CDC42BPB: variants seen among roughly 807,000 people sequenced by gnomAD.
The protein encoded by CDC42BPB is CDC42 binding protein kinase beta.
In CDC42BPB, 37 loss-of-function variants were observed where a neutral mutation model predicts 214.9. The ratio of observed to expected loss-of-function variants is 0.17; its 90% confidence interval spans 0.13 to 0.23. The LOEUF is 0.23. Among genes scored for constraint, CDC42BPB ranks in the 10% least tolerant of loss-of-function variants. CDC42BPB has a pLI of 1.00. For missense variants in CDC42BPB, 1,694 were observed against 2,227.0 expected (o/e 0.76, Z 4.82); for synonymous variants, 931 against 884.0 (o/e 1.05, Z -0.94).
chr14:102,939,586 G>T (rs1477239851), intron 34 of CDC42BPB, 24 bp downstream of exon 34: 1 of 1,560,088 alleles, frequency 6.4e-7, no homozygotes, highest in Non-Finnish European at 8.8e-7. Context: ...TGCCCTGCCC[G>T]CCCTATCCCG....
chr14:102,945,535 G>A (rs748775828), intron 29 of CDC42BPB, 127 bp downstream of exon 29: 22 of 766,770 alleles, frequency 2.9e-5, no homozygotes, highest in Non-Finnish European at 4.1e-5. Context: ...TTCACGGCAC[G>A]CTGGCCCCTC....
chr14:102,957,200 A>T (rs1371356068), intron 21 of CDC42BPB, among the ~76,000 whole-genome samples: 1 of 124,222 alleles, frequency 8.1e-6, no homozygotes, highest in African/African-American at 4.3e-5. Context: ...GACTGTCTCA[A>T]AAAAAAAAAA....
intron 3 of CDC42BPB, among the ~76,000 whole-genome samples, chr14:103,007,519 G>T (rs998113064): frequency 1.1e-4 from 16 of 152,156 alleles, no homozygotes; most frequent in Admixed American, 9.2e-4. Flanking sequence ...AGAGGAGAGG[G>T]TCTAGAAACC....
At chr14:102,948,063 G>A (rs1276955219) in intron 26 of CDC42BPB, 9 of 698,532 alleles carry the variant, frequency 1.3e-5, no homozygotes, top group South Asian at 6.5e-5. Context: ...TCCAGACTAT[G>A]CCAGTTACAG....
Position 102,970,088 on chromosome 14 carries a change from G to C in CDC42BPB, c.1995+63C>G, listed in dbSNP as rs544105154. 2.6e-5 allele frequency: 34 copies of C among 1,293,572 alleles called. No homozygotes were observed. The African/African-American group carries it at 4.2e-4, about 16-fold the overall frequency. The allele number at this position is 1,293,572 out of a possible 1,614,324, so 80.1% of individuals were successfully genotyped here. A position where few individuals can be genotyped will look rare whatever the true frequency, so the allele number is the denominator to read the frequency against. On this transcript the variant is annotated intron_variant, in intron 14 of 36. Transcript: ENST00000361246. The stretch of plus-strand genomic sequence containing the variant: ...ACATTACACAAGGTGACTTCCATGT[G>C]GTGGCGTCAGCAAAGATAAGCATCC...
chr14:102,933,974 C>G, intron 36 of CDC42BPB, 131 bp from the exon 37 acceptor site: 1 of 1,411,070 alleles, frequency 7.1e-7, no homozygotes, highest in Non-Finnish European at 9.1e-7. Context: ...GTTATGAAAA[C>G]ACACACGCTC....
Position 102,952,527 on chromosome 14 carries a change from C to T in CDC42BPB, c.3143G>A (p.Gly1048Glu), listed in dbSNP as rs1892537262. ...GCAGGCGTAGCCCTGCCGGATCAGC[C>T]CAACCATCAGGGAGGTGCAGTGGCT... ...QCSHCTSLMV[G>E]LIRQGYACEV... The change falls in exon 24 of 37, where the codon GGG becomes GAG. Residue 1048 changes from glycine to glutamate, a missense_variant. Gly to Glu is a moderately conservative substitution (Grantham distance 98). Transcript: ENST00000361246. 1 of 1,613,390 alleles carries T rather than the reference C, an allele frequency of 6.2e-7. No homozygotes were observed. The highest frequency in any genetic ancestry group is 1.3e-5 in the African/African-American group (1 of 74,906).
At chr14:103,056,704 T>C (rs1016531857) in intron 1 of CDC42BPB, among the ~76,000 whole-genome samples, 34 of 123,600 alleles carry the variant, frequency 2.8e-4, no homozygotes, top group Middle Eastern at 7.0e-3. Context: ...GAACGTAGGA[T>C]GTGGCTCCAA....
At chr14:103,036,358 T>C (rs1887667320) in intron 1 of CDC42BPB, among the ~76,000 whole-genome samples, 1 of 151,944 alleles carries the variant, frequency 6.6e-6, no homozygotes, top group African/African-American at 2.4e-5. Flanking sequence ...GGTTTCACCA[T>C]GTTAGCCAGG....
intron 2 of CDC42BPB, among the ~76,000 whole-genome samples, chr14:103,010,723 C>A (rs1207561387): frequency 6.6e-6 from 1 of 152,230 alleles, no homozygotes; most frequent in Non-Finnish European, 1.5e-5. Context: ...GGTGCTAAGG[C>A]ACTGCACAGT....
chr14:102,985,653 C>G (rs1474610289), intron 6 of CDC42BPB, among the ~76,000 whole-genome samples: 1 of 152,262 alleles, frequency 6.6e-6, no homozygotes, highest in Non-Finnish European at 1.5e-5. Flanking sequence ...CACATGGGTG[C>G]TTCCACTACT....
intron 1 of CDC42BPB, among the ~76,000 whole-genome samples, chr14:103,044,502 T>C (rs1458724176): frequency 6.6e-6 from 1 of 151,796 alleles, no homozygotes; most frequent in Non-Finnish European, 1.5e-5. Flanking sequence ...CCTGAGTAGC[T>C]GGGACTACAG....
intron 6 of CDC42BPB, 27 bp from the exon 7 acceptor site, chr14:102,983,783 A>G (rs1384758924): frequency 6.2e-7 from 1 of 1,605,850 alleles, no homozygotes; most frequent in South Asian, 1.1e-5. Flanking sequence ...GTGCTGAAGG[A>G]AACCCTAGGG....
chr14:103,009,036 G>A (rs1886004733), intron 2 of CDC42BPB, among the ~76,000 whole-genome samples: 2 of 152,172 alleles, frequency 1.3e-5, no homozygotes, highest in South Asian at 4.1e-4. Flanking sequence ...ACCAACACCC[G>A]TCAAGATGTC....
chr14:102,952,583 G>A lies in CDC42BPB; in HGVS notation c.3087C>T (p.Ser1029=). 6.2e-7 allele frequency: 1 copy of A among 1,613,892 alleles called. No individual in the cohort carries two copies. Among genetic ancestry groups the A allele is most frequent in the Non-Finnish European group, 8.5e-7 (1 of 1,179,820 alleles). ...AGPKPKAHQF[S]IKSFSSPTQC... is the part of the protein sequence containing the mutation. ...GAGTAGGGCTGGAGAAGGACTTGAT[G>A]CTGAACTGGTGAGCTTTTGGCTGGA... Residue 1029 remains serine, a synonymous_variant, in exon 24 of 37, where the codon AGC becomes AGT. Transcript: ENST00000361246.
At chr14:102,950,128 C>T (rs1167058003) in intron 25 of CDC42BPB, 1 of 983,732 alleles carries the variant, frequency 1.0e-6, no homozygotes, top group Non-Finnish European at 1.2e-6. Flanking sequence ...GCTGTGTCCA[C>T]CCCATGCAGG....
Position 102,979,685 on chromosome 14 carries a change from A to C in CDC42BPB, c.1140+1088T>G, listed in dbSNP as rs1949231821. ...ATGCTTCGGTGTAAGAAACTCTCTA[A>C]ATTAATAAGCAACGAAGAAGATTTT... On this transcript the variant is annotated intron_variant, in intron 8 of 36. Transcript: ENST00000361246. 2.0e-5 allele frequency among the ~76,000 whole-genome samples: 3 copies of C among 152,192 alleles called. No individual in the cohort carries two copies. The South Asian group carries it at 6.2e-4, about 32-fold the overall frequency.
intron 36 of CDC42BPB, among the ~76,000 whole-genome samples, chr14:102,935,025 A>G (rs1276267795): frequency 2.0e-5 from 3 of 151,818 alleles, no homozygotes; most frequent in Non-Finnish European, 4.4e-5. Flanking sequence ...AAAAAAAAAA[A>G]AAAAGAAAAA....
intron 2 of CDC42BPB, among the ~76,000 whole-genome samples, 162 bp downstream of exon 2, chr14:103,011,935 G>A (rs1407931002): frequency 6.6e-6 from 1 of 152,104 alleles, no homozygotes; most frequent in Non-Finnish European, 1.5e-5. Context: ...GGGCAACATG[G>A]TGAGACCTCA....
Sources: allele counts gnomAD v4.1 joint callset (sites outside exome capture counted in the v4.1 genomes callset), GRCh38; gene constraint gnomAD v4.1.1; transcripts MANE v1.5; gene names NCBI Gene and HGNC (gene_info 2026-07-23, HGNC 2026-07-21).